The following ABCC1 variants were observed in gnomAD, a reference collection of about 807,000 sequenced individuals.
ABCC1 encodes the protein ATP binding cassette subfamily C member 1 (ABCC1 blood group).
Under a neutral mutation model 172.9 loss-of-function variants are expected in ABCC1, and 83 were observed. That is an observed-to-expected ratio of 0.48 (90% CI 0.40 to 0.58). The LOEUF (loss-of-function observed/expected upper bound fraction) is 0.58. ABCC1 is among the 20% of genes least tolerant of loss of function. ABCC1 has a pLI of 0.00. For synonymous variants in ABCC1, 937 were observed against 825.2 expected, an observed-to-expected ratio of 1.14 and a Z score of -2.32; for missense variants, 1,817 against 2,002.7, an observed-to-expected ratio of 0.91 and a Z score of 1.77.
At chr16:16,024,473 T>G (rs948846789) in intron 5 of ABCC1, among the ~76,000 whole-genome samples, 2 of 152,176 alleles carry the variant, frequency 1.3e-5, no homozygotes, top group African/African-American at 2.4e-5. Flanking sequence ...CACCTCAGCC[T>G]CGCAAGTAGC....
At chr16:15,993,571 C>T (rs1370617297) in intron 1 of ABCC1, among the ~76,000 whole-genome samples, 1 of 152,102 alleles carries the variant, frequency 6.6e-6, no homozygotes, top group Non-Finnish European at 1.5e-5. Flanking sequence ...CCAGCGACGC[C>T]ACTCAGTATC....
intron 14 of ABCC1, among the ~76,000 whole-genome samples, chr16:16,073,262 A>C (rs2050423825): frequency 6.6e-6 from 1 of 152,108 alleles, no homozygotes; most frequent in Admixed American, 6.6e-5. Context: ...ACAGCTGATC[A>C]AAAGAAGAAC....
chr16:16,046,066 C>T, intron 9 of ABCC1, 53 bp downstream of exon 9: 1 of 1,585,190 alleles, frequency 6.3e-7, no homozygotes, highest in Non-Finnish European at 8.6e-7. Context: ...TCCCCTCCTG[C>T]AGCCCTGGGT....
At chr16:15,989,606 T>C (rs1451993792) in intron 1 of ABCC1, among the ~76,000 whole-genome samples, 1 of 152,144 alleles carries the variant, frequency 6.6e-6, no homozygotes, top group African/African-American at 2.4e-5. Flanking sequence ...AGGAGCACCC[T>C]GTCGTCTTGC....
chr16:15,986,567 G>C (rs911683915), intron 1 of ABCC1, among the ~76,000 whole-genome samples: 1 of 152,164 alleles, frequency 6.6e-6, no homozygotes, highest in African/African-American at 2.4e-5. Context: ...GATGATCTGA[G>C]GGGGAACAGT....
intron 30 of ABCC1, 108 bp from the exon 31 acceptor site, chr16:16,141,065 G>C: frequency 1.2e-6 from 1 of 865,036 alleles, no homozygotes; most frequent in Admixed American, 2.0e-5. Flanking sequence ...CTAGCAAAAA[G>C]TGTTAGGGGC....
At chr16:15,998,491 G>A (rs2047136124) in intron 1 of ABCC1, among the ~76,000 whole-genome samples, 2 of 152,172 alleles carry the variant, frequency 1.3e-5, no homozygotes, top group Non-Finnish European at 2.9e-5. Flanking sequence ...TGGAGGTGAT[G>A]TGGGGGTGGA....
intron 17 of ABCC1, among the ~76,000 whole-genome samples, chr16:16,086,242 A>G (rs1210720419): frequency 6.6e-6 from 1 of 152,072 alleles, no homozygotes; most frequent in Non-Finnish European, 1.5e-5. Context: ...CTCACGGGAG[A>G]TTCAGGTTTT....
At chr16:16,064,998 G>C (rs936695777) in intron 12 of ABCC1, among the ~76,000 whole-genome samples, 3 of 152,104 alleles carry the variant, frequency 2.0e-5, no homozygotes, top group South Asian at 2.1e-4. Context: ...CACTGAGAAG[G>C]TGACACTTGA....
intron 1 of ABCC1, among the ~76,000 whole-genome samples, chr16:15,991,575 A>G (rs888942902): frequency 1.6e-4 from 25 of 151,962 alleles, no homozygotes; most frequent in Non-Finnish European, 3.1e-4. Context: ...AGGGCCATCA[A>G]CATTCATTAG....
At chr16:16,077,497 C>T (rs560965621) in intron 15 of ABCC1, among the ~76,000 whole-genome samples, 27 of 152,266 alleles carry the variant, frequency 1.8e-4, no homozygotes, top group African/African-American at 6.5e-4. Flanking sequence ...CTTTCTCTAA[C>T]CCTTTTCTCT....
At chr16:15,985,530 C>T (rs201223510) in intron 1 of ABCC1, among the ~76,000 whole-genome samples, 13 of 152,206 alleles carry the variant, frequency 8.5e-5, no homozygotes, top group East Asian at 7.7e-4. Flanking sequence ...CTGCATCTTC[C>T]GCCTCCTGGG....
chr16:16,049,218 G>C (rs1034573515), intron 10 of ABCC1, among the ~76,000 whole-genome samples: 3 of 152,170 alleles, frequency 2.0e-5, no homozygotes, highest in Admixed American at 2.0e-4. Context: ...AAAGGTGCCA[G>C]AGAAAAGACA....
At chr16:16,044,306 C>T in intron 7 of ABCC1, 144 bp from the exon 8 acceptor site, 1 of 730,266 alleles carries the variant, frequency 1.4e-6, no homozygotes, top group South Asian at 1.8e-5. Context: ...TGTTTGTAAC[C>T]ACTGTGCTGA....
rs550451757 is a variant in ABCC1, at chr16:16,140,605, C to CA, written c.4488-565dup. ...AAATGAGGACAGAAGTGGGCAGTGTCAAATCTTACAGGACCTAAAATATTA... is the reference window on the plus strand; with the variant it reads ...AAATGAGGACAGAAGTGGGCAGTGTCAAAATCTTACAGGACCTAAAATATTA... On this transcript the variant is annotated intron_variant, in intron 30 of 30. Coordinates refer to ENST00000399410, the MANE Select transcript of ABCC1 (RefSeq NM_004996.4). Among the ~76,000 whole-genome samples the CA allele has an allele frequency of 9.9e-4, 151 of 152,206 alleles. 1 individual carries two copies. Among genetic ancestry groups the CA allele is most frequent in the Non-Finnish European group, 1.5e-3 (102 of 68,046 alleles).
intron 1 of ABCC1, among the ~76,000 whole-genome samples, chr16:15,976,982 C>G (rs534679069): frequency 8.4e-4 from 128 of 152,282 alleles, no homozygotes; most frequent in Non-Finnish European, 1.6e-3. Context: ...TCAACCCTGC[C>G]TGCCCCTGGG....
At position 16,020,932 on chromosome 16, in the gene ABCC1, C is replaced by CA. The variant is rs1478269564; in HGVS notation, c.615+4312dup. On this transcript the variant is annotated intron_variant, in intron 5 of 30. Coordinates refer to ENST00000399410, the MANE Select transcript of ABCC1 (RefSeq NM_004996.4). Reference sequence around the variant, plus strand: ...GAGTAGTAGAGCAGAGATTCGAACTCACGACTGGCTGTTGTGCACAATCAT... The same window carrying CA: ...GAGTAGTAGAGCAGAGATTCGAACTCAACGACTGGCTGTTGTGCACAATCAT... Among the ~76,000 whole-genome samples, 3 of 152,152 alleles carry CA rather than the reference C, an allele frequency of 2.0e-5. No individual in the cohort carries two copies. In the East Asian group the frequency reaches 5.8e-4, roughly 29 times the overall value.
chr16:16,031,850 AT>A (rs1246180293), intron 5 of ABCC1, among the ~76,000 whole-genome samples: 2 of 151,656 alleles, frequency 1.3e-5, no homozygotes, highest in Non-Finnish European at 2.9e-5. Context: ...GTAGTTTTGC[AT>A]TTGTTCATGT....
intron 5 of ABCC1, among the ~76,000 whole-genome samples, chr16:16,026,282 A>C (rs1468473810): frequency 1.3e-5 from 2 of 151,586 alleles, no homozygotes; most frequent in African/African-American, 4.9e-5. Flanking sequence ...CAAATGCAAA[A>C]ATTAGCCAGG....
Sources: gnomAD v4.1 joint callset for allele counts (sites outside exome capture counted in the v4.1 genomes callset) on GRCh38, gnomAD v4.1.1 for gene constraint, MANE v1.5 for transcripts, NCBI Gene and HGNC (gene_info 2026-07-23, HGNC 2026-07-21) for gene names.